The following TCF7L2 variants were observed in gnomAD, a reference collection of about 807,000 sequenced individuals.
The protein encoded by TCF7L2 is transcription factor 7 like 2.
Under a neutral mutation model 77.9 loss-of-function variants are expected in TCF7L2, and 23 were observed. That is an observed-to-expected ratio of 0.30 (90% CI 0.21 to 0.42). TCF7L2 has a LOEUF of 0.42. Ranked by LOEUF, TCF7L2 falls within the 10% of genes least tolerant of loss-of-function variation. TCF7L2 has a pLI of 1.00. For synonymous variants in TCF7L2, 413 were observed against 340.2 expected, an observed-to-expected ratio of 1.21 and a Z score of -2.36; for missense variants, 654 against 793.1, an observed-to-expected ratio of 0.82 and a Z score of 2.11.
chr10:113,038,964 C>T (rs1002411314), intron 4 of TCF7L2, among the ~76,000 whole-genome samples: 1 of 152,178 alleles, frequency 6.6e-6, no homozygotes, highest in Non-Finnish European at 1.5e-5. Context: ...AAGGTGTCTC[C>T]TTATATCTTA....
At chr10:112,992,498 C>A (rs2042744523) in intron 4 of TCF7L2, among the ~76,000 whole-genome samples, 2 of 152,252 alleles carry the variant, frequency 1.3e-5, no homozygotes, top group Non-Finnish European at 2.9e-5. Context: ...GCGAACATTT[C>A]TGGAATCAAA....
intron 5 of TCF7L2, among the ~76,000 whole-genome samples, chr10:113,131,569 G>A (rs1272718522): frequency 6.6e-6 from 1 of 152,164 alleles, no homozygotes; most frequent in Non-Finnish European, 1.5e-5. Context: ...TTTGATGAGA[G>A]TAAACCACTA....
chr10:112,964,781 GTGGTGGTGGTGA>G (rs1184357596), intron 4 of TCF7L2, among the ~76,000 whole-genome samples, 157 bp downstream of exon 4: 2 of 144,718 alleles, frequency 1.4e-5, no homozygotes, highest in East Asian at 2.1e-4. Flanking sequence ...GGTGGTGATG[GTGGTGGTGGTGA>G]TGGTGGTGGT....
rs150921614 is a variant in TCF7L2 at position 113,127,376 on chromosome 10, A to T, written c.553-13808A>T. On this transcript the variant is annotated intron_variant, in intron 5 of 13. Transcript: ENST00000627217. ...CTTTTCGTCCATCCATTCCTCCAAG[A>T]CCCATTTCCCCTTCCTCCCTTCTTG... Among the ~76,000 whole-genome samples, 480 of 151,904 alleles carry T rather than the reference A, an allele frequency of 3.2e-3. 2 individuals are homozygous for T. The highest frequency in any genetic ancestry group is 0.011 in the African/African-American group (457 of 41,422).
At chr10:112,971,678 T>C (rs1427418771) in intron 4 of TCF7L2, among the ~76,000 whole-genome samples, 1 of 151,488 alleles carries the variant, frequency 6.6e-6, no homozygotes. Flanking sequence ...AGTGGCGTGA[T>C]GTCGGCTCAC....
Position 112,950,463 on chromosome 10 carries a change from TACC to T in TCF7L2, c.-293_-291del. 1 of 272,188 alleles carries T rather than the reference TACC, an allele frequency of 3.7e-6. No homozygotes were observed. The highest frequency in any genetic ancestry group is 6.9e-6 in the Non-Finnish European group (1 of 144,858). 16.9% of individuals were successfully genotyped at this position (272,188 alleles called of 1,614,324 possible). On this transcript the variant is annotated 5_prime_UTR_variant, in exon 1 of 14. Coordinates refer to ENST00000627217, the MANE Select transcript of TCF7L2 (RefSeq NM_001146274.2). ...TTGTTGTTGGTGTTTTTTTTTTTTT[TACC>T]CCCCTTTTTTATTTATTATTTTTTT...
At chr10:112,966,381 C>T (rs951934054) in intron 4 of TCF7L2, among the ~76,000 whole-genome samples, 1 of 151,594 alleles carries the variant, frequency 6.6e-6, no homozygotes, top group Non-Finnish European at 1.5e-5. Context: ...GCCCATTTGT[C>T]CCTCCTTCTT....
chr10:112,951,709 TCCCCGC>T (rs1589573887), intron 3 of TCF7L2, 102 bp downstream of exon 3: 1 of 364,340 alleles, frequency 2.7e-6, no homozygotes, highest in South Asian at 1.2e-4. Context: ...CGCCTCCCCC[TCCCCGC>T]CTCCTCCCCT....
chr10:112,998,137 C>A (rs2133274265), intron 4 of TCF7L2, among the ~76,000 whole-genome samples: 1 of 149,738 alleles, frequency 6.7e-6, no homozygotes, highest in Admixed American at 6.7e-5. Flanking sequence ...TGGAGTCTTA[C>A]CATGTTGGCC....
At chr10:112,990,487 G>A (rs950031999) in intron 4 of TCF7L2, among the ~76,000 whole-genome samples, 12 of 151,650 alleles carry the variant, frequency 7.9e-5, no homozygotes, top group Non-Finnish European at 1.5e-4. Context: ...TGGGTGGATC[G>A]CTTGAGCCCA....
At chr10:113,013,494 A>G (rs2046809644) in intron 4 of TCF7L2, among the ~76,000 whole-genome samples, 1 of 152,232 alleles carries the variant, frequency 6.6e-6, no homozygotes. Flanking sequence ...AAATTAATAC[A>G]GGGAGGTAAG....
chr10:112,967,140 CTT>C (rs2037128775), intron 4 of TCF7L2, among the ~76,000 whole-genome samples: 1 of 152,242 alleles, frequency 6.6e-6, no homozygotes, highest in Non-Finnish European at 1.5e-5. Context: ...AGCTCATAAT[CTT>C]TTCGCTCTGG....
chr10:112,963,096 A>G (rs938281229), intron 3 of TCF7L2, among the ~76,000 whole-genome samples: 2 of 152,152 alleles, frequency 1.3e-5, no homozygotes, highest in East Asian at 1.9e-4. Context: ...CATTATATCT[A>G]TATATAAATA....
intron 5 of TCF7L2, among the ~76,000 whole-genome samples, chr10:113,079,653 TG>T (rs1366237409): frequency 2.0e-5 from 3 of 152,140 alleles, no homozygotes; most frequent in African/African-American, 7.2e-5. Context: ...TTCTGGCAGA[TG>T]GACCCATCCC....
chr10:113,151,978 C>A lies in TCF7L2; in HGVS notation c.1161+94C>A. 1 of 1,492,042 alleles carries A rather than the reference C, an allele frequency of 6.7e-7. No homozygotes were observed. The highest frequency in any genetic ancestry group is 8.9e-7 in the Non-Finnish European group (1 of 1,119,966). 92.4% of individuals were successfully genotyped at this position (1,492,042 alleles called of 1,614,324 possible). ...TGGCAGAATGTCTCTGTCCCCATTTCTTTGGAGAATTCTTGCCCTTCAGCC... is the reference window on the plus strand; with the variant it reads ...TGGCAGAATGTCTCTGTCCCCATTTATTTGGAGAATTCTTGCCCTTCAGCC... On this transcript the variant is annotated intron_variant, in intron 10 of 13. Transcript: ENST00000627217. This position sits in a 1 kb window ranked among gnomAD's most constrained non-coding sequence, Gnocchi z 5.2.
chr10:113,143,165 G>C (rs536330530), intron 6 of TCF7L2, among the ~76,000 whole-genome samples: 3 of 152,234 alleles, frequency 2.0e-5, no homozygotes, highest in African/African-American at 7.2e-5. Context: ...GCAGATGTGC[G>C]GTGGCACGTA....
chr10:113,008,390 G>C (rs373052842), intron 4 of TCF7L2, among the ~76,000 whole-genome samples: 28 of 152,120 alleles, frequency 1.8e-4, no homozygotes, highest in African/African-American at 6.8e-4. Context: ...CTGTCTCTCT[G>C]CGTAGCGGCA....
At chr10:113,023,169 G>A (rs908580225) in intron 4 of TCF7L2, among the ~76,000 whole-genome samples, 1 of 152,150 alleles carries the variant, frequency 6.6e-6, no homozygotes, top group African/African-American at 2.4e-5. Flanking sequence ...CTGGATTAGT[G>A]TTTTTCCTCT....
intron 3 of TCF7L2, among the ~76,000 whole-genome samples, chr10:112,956,586 A>G (rs908215379): frequency 1.3e-5 from 2 of 152,086 alleles, no homozygotes; most frequent in Non-Finnish European, 1.5e-5. Flanking sequence ...CTGGGAGTGA[A>G]TATTGGCAAC....
Sources: gnomAD v4.1 joint callset for allele counts (sites outside exome capture counted in the v4.1 genomes callset) on GRCh38, gnomAD v4.1.1 for gene constraint, Gnocchi (gnomAD v3.1) non-coding constraint, MANE v1.5 for transcripts, NCBI Gene and HGNC (gene_info 2026-07-23, HGNC 2026-07-21) for gene names.